ARFGAP3: variants seen among roughly 807,000 people sequenced by gnomAD.
The protein encoded by ARFGAP3 is ADP-ribosylation factor GTPase-activating protein 3.
In ARFGAP3, 72 loss-of-function variants were observed where a neutral mutation model predicts 75.0. That is an observed-to-expected ratio of 0.96 (90% CI 0.79 to 1.17). The LOEUF (loss-of-function observed/expected upper bound fraction) is 1.17, where lower values mean the gene tolerates loss of function less well. Among genes scored for constraint, ARFGAP3 ranks in the 50% most tolerant of loss-of-function variants. The pLI is 0.00. For missense variants in ARFGAP3, 620 were observed against 626.6 expected (o/e 0.99, Z 0.11); for synonymous variants, 221 against 217.9 (o/e 1.01, Z -0.13).
chr22:42,833,832 C>T (rs1179611301), intron 5 of ARFGAP3, among the ~76,000 whole-genome samples: 2 of 152,246 alleles, frequency 1.3e-5, no homozygotes, highest in Non-Finnish European at 2.9e-5. Context: ...TGGAGAATCA[C>T]TTGAACCCAG....
intron 1 of ARFGAP3, among the ~76,000 whole-genome samples, chr22:42,850,760 C>T (rs569714413): frequency 3.9e-5 from 6 of 152,142 alleles, no homozygotes; most frequent in South Asian, 2.1e-4. Flanking sequence ...TCACACTGAT[C>T]GCACACTGAA....
chr22:42,800,146 T>A (rs1315070057), intron 14 of ARFGAP3, among the ~76,000 whole-genome samples: 1 of 151,994 alleles, frequency 6.6e-6, no homozygotes, highest in African/African-American at 2.4e-5. Context: ...CTGGAGGGGC[T>A]CAGTGAGCTC....
chr22:42,802,603 AT>A (rs544982207), intron 14 of ARFGAP3, among the ~76,000 whole-genome samples: 407 of 133,094 alleles, frequency 3.1e-3, no homozygotes, highest in African/African-American at 3.8e-3. Flanking sequence ...CAAAATAAGA[AT>A]TTTTTTTTTT....
chr22:42,798,548 CT>C (rs1436679438), intron 15 of ARFGAP3, among the ~76,000 whole-genome samples: 2 of 152,132 alleles, frequency 1.3e-5, no homozygotes, highest in Non-Finnish European at 2.9e-5. Context: ...TTTAGGAAAA[CT>C]TTTCATTACA....
At chr22:42,848,811 C>T (rs1042894214) in intron 1 of ARFGAP3, among the ~76,000 whole-genome samples, 2 of 152,198 alleles carry the variant, frequency 1.3e-5, no homozygotes, top group South Asian at 2.1e-4. Context: ...ATTTGCATCC[C>T]GTGTAATCTC....
intron 15 of ARFGAP3, 39 bp downstream of exon 15, chr22:42,799,000 T>C (rs755982096): frequency 9.5e-6 from 15 of 1,572,480 alleles, no homozygotes; most frequent in African/African-American, 2.7e-5. Flanking sequence ...CTGCTGAACC[T>C]ACCGTCATAG....
intron 2 of ARFGAP3, 54 bp downstream of exon 2, chr22:42,847,460 A>C: frequency 6.8e-7 from 1 of 1,473,672 alleles, no homozygotes; most frequent in Non-Finnish European, 9.4e-7. Context: ...AGGGAAAAAA[A>C]CACCCATGTA....
rs1372218773 is a variant in ARFGAP3 at position 42,796,732 on chromosome 22, AAAGC to A, written c.*852_*855del. 2 of 152,250 alleles carry A rather than the reference AAAGC, an allele frequency of 1.3e-5. No individual in the cohort carries two copies. Among genetic ancestry groups the A allele is most frequent in the Admixed American group, 6.5e-5 (1 of 15,286 alleles). The allele number at this position is 152,250 out of a possible 1,614,324, so 9.4% of individuals were successfully genotyped here. ...TTTATACACATTCGGTAATTTCTGAAAAGCAAGATTTAAAAATATTTATTAACAA... is the reference window on the plus strand; with the variant it reads ...TTTATACACATTCGGTAATTTCTGAAAAGATTTAAAAATATTTATTAACAA... On this transcript the variant is annotated 3_prime_UTR_variant, in exon 16 of 16. Coordinates refer to ENST00000263245, the MANE Select transcript of ARFGAP3 (RefSeq NM_014570.5).
At chr22:42,845,781 C>T (rs5751385) in intron 2 of ARFGAP3, among the ~76,000 whole-genome samples, 65,357 of 151,744 alleles carry the variant, frequency 0.43, 14,582 homozygotes, top group Non-Finnish European at 0.48. Context: ...GGCTCACGCC[C>T]GTAATCCCAA....
In ARFGAP3 at chr22:42,819,370, T is replaced by A. The variant is rs539516142; in HGVS notation, c.813-1513A>T. On this transcript the variant is annotated intron_variant, in intron 9 of 15. Transcript: ENST00000263245. ...GAGAAGATGCATGGGGATGAAAAGG[T>A]TCTATTAGAAAGATAAGAGATGGAA... Among the ~76,000 whole-genome samples, 10 of 152,196 alleles carry A rather than the reference T, an allele frequency of 6.6e-5. 1 individual carries two copies. Among genetic ancestry groups the A allele is most frequent in the Non-Finnish European group, 1.3e-4 (9 of 67,990 alleles).
At chr22:42,844,799 C>T (rs543036280) in intron 2 of ARFGAP3, among the ~76,000 whole-genome samples, 45 of 152,268 alleles carry the variant, frequency 3.0e-4, no homozygotes, top group South Asian at 2.1e-4. Flanking sequence ...TCATCCTTGA[C>T]TTTTTCTTGC....
At chr22:42,848,133 G>A (rs1927105430) in intron 1 of ARFGAP3, among the ~76,000 whole-genome samples, 1 of 151,848 alleles carries the variant, frequency 6.6e-6, no homozygotes, top group South Asian at 2.1e-4. Context: ...CATAGTGTTG[G>A]GATTACAGGC....
chr22:42,837,655 G>T (rs1426406882), intron 3 of ARFGAP3, among the ~76,000 whole-genome samples: 3 of 120,062 alleles, frequency 2.5e-5, no homozygotes, highest in East Asian at 2.9e-4. Context: ...AAAAAGCCTT[G>T]AAACATCTAA....
intron 7 of ARFGAP3, 47 bp from the exon 8 acceptor site, chr22:42,823,749 TTC>T: frequency 6.9e-7 from 1 of 1,454,570 alleles, no homozygotes; most frequent in Non-Finnish European, 9.2e-7. Context: ...GAAATAATTT[TTC>T]TTTTTTAGTG....
intron 7 of ARFGAP3, among the ~76,000 whole-genome samples, chr22:42,825,685 CAAAAA>C (rs538206434): frequency 1.6e-5 from 1 of 64,438 alleles, no homozygotes; most frequent in Non-Finnish European, 3.4e-5. Context: ...ACTCTGTCTC[CAAAAA>C]AAAAAAAAAA....
At chr22:42,817,994 T>G (rs755009679) in intron 9 of ARFGAP3, 137 bp from the exon 10 acceptor site, 4 of 1,234,036 alleles carry the variant, frequency 3.2e-6, no homozygotes, top group Non-Finnish European at 3.2e-6. Context: ...TGAAGGCAAG[T>G]TGGTGTTTTT....
chr22:42,805,465 T>C (rs1331149204), intron 14 of ARFGAP3, among the ~76,000 whole-genome samples: 3 of 152,198 alleles, frequency 2.0e-5, no homozygotes, highest in Non-Finnish European at 1.5e-5. Context: ...GACCCAGCAC[T>C]GACCTGTGGG....
chr22:42,827,497 G>C (rs1926094683), intron 6 of ARFGAP3, among the ~76,000 whole-genome samples: 1 of 152,158 alleles, frequency 6.6e-6, no homozygotes, highest in Non-Finnish European at 1.5e-5. Flanking sequence ...CACCCGAGTA[G>C]CTGGGATTAC....
chr22:42,828,612 CTG>C (rs1926147723), intron 6 of ARFGAP3, among the ~76,000 whole-genome samples: 1 of 151,204 alleles, frequency 6.6e-6, no homozygotes, highest in African/African-American at 2.4e-5. Flanking sequence ...TTAAAACAAA[CTG>C]TGACATCCGG....
Sources: gnomAD v4.1 joint callset for allele counts (sites outside exome capture counted in the v4.1 genomes callset) on GRCh38, gnomAD v4.1.1 for gene constraint, MANE v1.5 for transcripts, NCBI Gene and HGNC (gene_info 2026-07-23, HGNC 2026-07-21) for gene names.